PRH1: variants seen among roughly 807,000 people sequenced by gnomAD.
PRH1 encodes proline rich protein HaeIII subfamily 1.
A neutral mutation model predicts 7.9 loss-of-function variants in PRH1; 7 were observed. That is an observed-to-expected ratio of 0.89 (90% CI 0.50 to 1.67). PRH1 has a LOEUF of 1.67. Ranked by LOEUF, PRH1 falls within the 40% of genes most tolerant of loss-of-function variation. The pLI is 0.00. For synonymous variants in PRH1, 45 were observed against 80.8 expected, an observed-to-expected ratio of 0.56 and a Z score of 2.38; for missense variants, 109 against 223.6, an observed-to-expected ratio of 0.49 and a Z score of 3.27.
intron 1 of PRH1, chr12:11,133,259 T>TTCATACA (rs1946426632): frequency 6.4e-7 from 1 of 1,566,578 alleles, no homozygotes; most frequent in African/African-American, 1.4e-5. Context: ...TATAAAATGT[T>TTCATACA]TCATACACCA....
At chr12:10,937,941 CACAT>C (rs1950316574) in intron 2 of PRH1, 3 of 209,596 alleles carry the variant, frequency 1.4e-5, no homozygotes, top group Non-Finnish European at 1.9e-5. Flanking sequence ...GTAACTGTGT[CACAT>C]ACATACATAC....
At chr12:11,108,641 T>C (rs1007210567) in intron 1 of PRH1, among the ~76,000 whole-genome samples, 8 of 152,188 alleles carry the variant, frequency 5.3e-5, no homozygotes, top group African/African-American at 1.9e-4. Flanking sequence ...CTGGCCCAGA[T>C]ACTACACTTT....
chr12:11,041,775 C>T (rs1357390221), intron 1 of PRH1, among the ~76,000 whole-genome samples: 3 of 152,144 alleles, frequency 2.0e-5, no homozygotes, highest in Non-Finnish European at 4.4e-5. Context: ...TATTGCCAAG[C>T]ATCAACTCTG....
At chr12:11,022,767 A>T in intron 1 of PRH1, 1 of 561,648 alleles carries the variant, frequency 1.8e-6, no homozygotes, top group South Asian at 2.7e-5. Flanking sequence ...ATAGAAATAG[A>T]AAAGGTCATT....
intron 1 of PRH1, among the ~76,000 whole-genome samples, chr12:10,975,769 A>G (rs944668482): frequency 4.0e-5 from 6 of 151,734 alleles, no homozygotes; most frequent in Non-Finnish European, 7.4e-5. Context: ...AAACAGAGTT[A>G]CTATTCTAAT....
chr12:10,946,428 A>G (rs957613214), intron 2 of PRH1, among the ~76,000 whole-genome samples: 2 of 152,182 alleles, frequency 1.3e-5, no homozygotes, highest in African/African-American at 4.8e-5. Context: ...GTTTGTCTGC[A>G]CAGAGGTGTT....
In PRH1 at chr12:11,060,529, C is replaced by CA. The variant is rs1315982435; in HGVS notation, n.124-13342dup. The stretch of plus-strand genomic sequence containing the variant: ...AATAGTTTACATCACCTCTCAACTT[C>CA]AAAAAAAAAGCTTTTCTTTAATCCA... On this transcript the variant is annotated intron_variant and non_coding_transcript_variant, in intron 1 of 4. Transcript: ENST00000541977. Among the ~76,000 whole-genome samples the CA allele has an allele frequency of 1.8e-4, 25 of 136,216 alleles. No homozygotes were observed. In the South Asian group the frequency reaches 3.5e-3, roughly 19 times the overall value. The allele number at this position is 136,216 out of a possible 152,430, so 89.4% of individuals were successfully genotyped here. A position where few individuals can be genotyped will look rare whatever the true frequency, so the allele number is the denominator to read the frequency against.
At chr12:11,110,075 T>G (rs1945542205) in intron 1 of PRH1, among the ~76,000 whole-genome samples, 1 of 151,758 alleles carries the variant, frequency 6.6e-6, no homozygotes, top group African/African-American at 2.4e-5. Context: ...TATCAGACAT[T>G]GAAGATCAAT....
Position 11,146,110 on chromosome 12 carries a change from AAG to A in PRH1, n.40-24932_40-24931del, listed in dbSNP as rs1277381530. On this transcript the variant is annotated intron_variant and non_coding_transcript_variant, in intron 1 of 1. Transcript: ENST00000541175. ...TACTATATGCTTCTACCAGTAGTGA[AAG>A]AGATTTTTCATGTTTCTGAGCTTTT... Among the ~76,000 whole-genome samples, 11 of 152,194 alleles carry A rather than the reference AAG, an allele frequency of 7.2e-5. No individual in the cohort carries two copies. The East Asian group carries it at 1.9e-3, about 27-fold the overall frequency.
At chr12:11,054,698 T>G (rs1943285634) in intron 1 of PRH1, among the ~76,000 whole-genome samples, 1 of 152,178 alleles carries the variant, frequency 6.6e-6, no homozygotes, top group South Asian at 2.1e-4. Context: ...GGAAATTCAC[T>G]AATTTCTGCC....
intron 2 of PRH1, among the ~76,000 whole-genome samples, chr12:10,970,692 G>A (rs1432952404): frequency 6.6e-6 from 1 of 151,822 alleles, no homozygotes; most frequent in Non-Finnish European, 1.5e-5. Flanking sequence ...AGCCTCCCTA[G>A]TAGTTGGGAT....
intron 1 of PRH1, among the ~76,000 whole-genome samples, chr12:11,014,097 A>C (rs1487309957): frequency 6.6e-6 from 1 of 152,320 alleles, no homozygotes; most frequent in East Asian, 1.9e-4. Context: ...GCTATATGCC[A>C]ACATGCGTGA....
At chr12:10,992,400 GTTC>G (rs1939976611) in intron 1 of PRH1, among the ~76,000 whole-genome samples, 1 of 133,056 alleles carries the variant, frequency 7.5e-6, no homozygotes, top group Non-Finnish European at 1.7e-5. Context: ...GTTTTCGGTT[GTTC>G]GTTTTTTTTT....
intron 1 of PRH1, among the ~76,000 whole-genome samples, chr12:11,001,832 T>C (rs1206685920): frequency 6.6e-6 from 1 of 152,068 alleles, no homozygotes; most frequent in Non-Finnish European, 1.5e-5. Context: ...TAAATAAACT[T>C]TGCAATATAA....
At chr12:10,978,746 A>G (rs1391477564) in intron 1 of PRH1, among the ~76,000 whole-genome samples, 1 of 151,872 alleles carries the variant, frequency 6.6e-6, no homozygotes, top group Non-Finnish European at 1.5e-5. Flanking sequence ...ACCTCCATTT[A>G]AAAATGAATA....
At chr12:10,998,434 G>A (rs914456728) in intron 1 of PRH1, among the ~76,000 whole-genome samples, 2 of 152,008 alleles carry the variant, frequency 1.3e-5, no homozygotes, top group African/African-American at 4.8e-5. Flanking sequence ...AATCACCTAA[G>A]ATTTTCTTGG....
intron 2 of PRH1, chr12:10,908,382 G>C: frequency 6.2e-7 from 1 of 1,602,574 alleles, no homozygotes; most frequent in Non-Finnish European, 8.5e-7. Flanking sequence ...GAAATTGTGA[G>C]TTTCTCATCG....
intron 1 of PRH1, among the ~76,000 whole-genome samples, chr12:11,004,567 G>C (rs1940741960): frequency 6.6e-6 from 1 of 151,974 alleles, no homozygotes; most frequent in African/African-American, 2.4e-5. Flanking sequence ...AATTCAGAAT[G>C]CATCTTTAGT....
chr12:11,138,752 T>C (rs1405679468), intron 1 of PRH1, among the ~76,000 whole-genome samples: 1 of 152,142 alleles, frequency 6.6e-6, no homozygotes, highest in Non-Finnish European at 1.5e-5. Flanking sequence ...TTAAGAAAAC[T>C]TTTGGGCCAG....
Sources: allele counts gnomAD v4.1 joint callset (sites outside exome capture counted in the v4.1 genomes callset), GRCh38; gene constraint gnomAD v4.1.1; transcripts MANE v1.5; gene names NCBI Gene and HGNC (gene_info 2026-07-23, HGNC 2026-07-21).